The following CNKSR2 variants were observed in gnomAD, a reference collection of about 807,000 sequenced individuals.
CNKSR2 encodes the protein CNK homolog protein 2.
CNKSR2 carries 14 observed loss-of-function variants against 84.4 expected under a neutral mutation model. The observed-to-expected ratio is 0.17, with a 90% confidence interval of 0.11 to 0.26. CNKSR2 has a LOEUF of 0.26. Among genes scored for constraint, CNKSR2 ranks in the 10% least tolerant of loss-of-function variants. The pLI is 1.00. For missense variants in CNKSR2, 485 were observed against 771.2 expected, an observed-to-expected ratio of 0.63 and a Z score of 4.40; for synonymous variants, 275 against 277.9, an observed-to-expected ratio of 0.99 and a Z score of 0.10.
chrX:21,407,905 T>G (rs2090286166), intron 1 of CNKSR2, among the ~76,000 whole-genome samples: 1 of 111,868 alleles, frequency 8.9e-6, no homozygotes, highest in African/African-American at 3.2e-5. Flanking sequence ...TTTCTTATGT[T>G]GTTACATATT....
At chrX:21,651,732 G>C (rs1375439565) in intron 21 of CNKSR2, among the ~76,000 whole-genome samples, 1 of 111,413 alleles carries the variant, frequency 9.0e-6, no homozygotes, top group African/African-American at 3.3e-5. Context: ...CTGAGACCCA[G>C]CTTCCAACAT....
chrX:21,465,960 G>A (rs940582513), intron 4 of CNKSR2, among the ~76,000 whole-genome samples: 1 of 111,497 alleles, frequency 9.0e-6, no homozygotes, highest in Non-Finnish European at 1.9e-5. Flanking sequence ...ATCTGTGGGA[G>A]GATGTTTCTG....
chrX:21,630,540 A>G (rs1160235325), intron 20 of CNKSR2, among the ~76,000 whole-genome samples: 1 of 111,428 alleles, frequency 9.0e-6, no homozygotes, highest in East Asian at 2.8e-4. Flanking sequence ...TTTAAATAGC[A>G]TAATCCAGGA....
intron 13 of CNKSR2, among the ~76,000 whole-genome samples, chrX:21,588,718 T>C (rs1322584111): frequency 1.8e-5 from 2 of 111,976 alleles, no homozygotes; most frequent in South Asian, 3.7e-4. Flanking sequence ...AGAGTAGACA[T>C]TCAGGTTCTA....
At chrX:21,426,841 C>G (rs1180694987) in intron 2 of CNKSR2, 181 bp downstream of exon 2, 2 of 458,820 alleles carry the variant, frequency 4.4e-6, no homozygotes, top group Non-Finnish European at 7.0e-6. Flanking sequence ...TGCCAAATAA[C>G]AGTTCCCTGT....
chrX:21,527,699 G>A (rs1403443990), intron 10 of CNKSR2, among the ~76,000 whole-genome samples: 1 of 110,729 alleles, frequency 9.0e-6, no homozygotes, highest in Non-Finnish European at 1.9e-5. Flanking sequence ...ATCCAGCCTT[G>A]TGAAATACAA....
intron 4 of CNKSR2, among the ~76,000 whole-genome samples, chrX:21,467,383 A>G (rs908579993): frequency 2.7e-5 from 3 of 111,196 alleles, no homozygotes; most frequent in African/African-American, 9.8e-5. Flanking sequence ...GAGTGTGGTT[A>G]CATTGCTTTT....
rs777469928 is a variant in CNKSR2 at position 21,467,812 on chromosome X, C to T, written c.520-2954C>T. ...GGTCATGTCAAAATAGTTGAGTGTG[C>T]ACCAATATTTTATTCTTCAAATAAT... On this transcript the variant is annotated intron_variant, in intron 4 of 21. Coordinates refer to ENST00000379510, the MANE Select transcript of CNKSR2 (RefSeq NM_014927.5). Among the ~76,000 whole-genome samples, 11 of 110,417 alleles carry T rather than the reference C, an allele frequency of 1.0e-4. No homozygotes were observed. In the South Asian group the frequency reaches 3.8e-3, roughly 39 times the overall value.
intron 5 of CNKSR2, 75 bp downstream of exon 5, chrX:21,470,882 G>GA (rs1299960851): frequency 8.7e-5 from 46 of 531,614 alleles, no homozygotes; most frequent in Middle Eastern, 4.1e-4. Flanking sequence ...TGAACCATAA[G>GA]AAAAAAAATC....
chrX:21,574,849 G>A (rs1165494200), intron 13 of CNKSR2, among the ~76,000 whole-genome samples: 1 of 111,936 alleles, frequency 8.9e-6, no homozygotes, highest in Non-Finnish European at 1.9e-5. Context: ...TTTTTAAAAA[G>A]TAACCTATAG....
chrX:21,563,178 G>A (rs2092207618), intron 12 of CNKSR2, 60 bp from the exon 13 acceptor site: 1 of 922,903 alleles, frequency 1.1e-6, no homozygotes, highest in South Asian at 2.8e-5. Flanking sequence ...AATTGAGAAA[G>A]AATGGTAAAT....
intron 5 of CNKSR2, among the ~76,000 whole-genome samples, chrX:21,473,060 TCAAAAGC>T (rs1480672987): frequency 8.9e-6 from 1 of 111,804 alleles, no homozygotes; most frequent in Non-Finnish European, 1.9e-5. Context: ...TTTATCTTTC[TCAAAAGC>T]CAGATTCTGG....
chrX:21,577,040 A>G (rs1387906253), intron 13 of CNKSR2, among the ~76,000 whole-genome samples: 1 of 111,970 alleles, frequency 8.9e-6, no homozygotes, highest in Admixed American at 9.5e-5. Context: ...TGGAATTCCT[A>G]AGATACTGAT....
chrX:21,643,545 C>T (rs2092698094), intron 20 of CNKSR2: 1 of 111,577 alleles, frequency 9.0e-6, no homozygotes, highest in Admixed American at 9.5e-5. Context: ...ATCATTATTA[C>T]AAGGATGGGC....
intron 20 of CNKSR2, among the ~76,000 whole-genome samples, chrX:21,623,885 A>AT (rs2092611916): frequency 8.9e-6 from 1 of 111,786 alleles, no homozygotes; most frequent in Non-Finnish European, 1.9e-5. Flanking sequence ...TTACAATTCC[A>AT]GCCAAAATTT....
chrX:21,417,843 GT>G (rs1210858671), intron 1 of CNKSR2, among the ~76,000 whole-genome samples: 8 of 110,959 alleles, frequency 7.2e-5, no homozygotes, highest in African/African-American at 2.6e-4. Flanking sequence ...GTTTTGTTTT[GT>G]TTTTAAATTT....
chrX:21,648,146 T>C (rs929108993), intron 20 of CNKSR2, among the ~76,000 whole-genome samples: 4 of 111,682 alleles, frequency 3.6e-5, no homozygotes, highest in Non-Finnish European at 7.5e-5. Flanking sequence ...CCTCTATATT[T>C]GCATATAAAC....
chrX:21,376,501 C>T (rs974314436), intron 1 of CNKSR2, among the ~76,000 whole-genome samples: 1 of 111,693 alleles, frequency 9.0e-6, no homozygotes, highest in South Asian at 3.8e-4. Context: ...ATAAAGATGA[C>T]TAAGACAAAG....
At chrX:21,626,128 T>C (rs1432240518) in intron 20 of CNKSR2, among the ~76,000 whole-genome samples, 3 of 109,101 alleles carry the variant, frequency 2.7e-5, no homozygotes, top group Admixed American at 2.0e-4. Context: ...ACTTAAGAGG[T>C]CTTGATTATC....
Sources: gnomAD v4.1 joint callset for allele counts (sites outside exome capture counted in the v4.1 genomes callset) on GRCh38, gnomAD v4.1.1 for gene constraint, MANE v1.5 for transcripts, NCBI Gene and HGNC (gene_info 2026-07-23, HGNC 2026-07-21) for gene names.